RSRC1: variants seen among roughly 807,000 people sequenced by gnomAD.
The protein encoded by RSRC1 is arginine and serine rich coiled-coil 1.
In RSRC1, 39 loss-of-function variants were observed where a neutral mutation model predicts 49.1. That is an observed-to-expected ratio of 0.79 (90% confidence interval 0.61 to 1.04). The LOEUF is 1.04. Among genes scored for constraint, RSRC1 ranks in the 50% least tolerant of loss-of-function variants. The pLI is 0.00. For missense variants in RSRC1, 388 were observed against 402.4 expected, an observed-to-expected ratio of 0.96 and a Z score of 0.31; for synonymous variants, 143 against 130.8, an observed-to-expected ratio of 1.09 and a Z score of -0.63.
At chr3:158,179,254 G>A (rs1008652024) in intron 3 of RSRC1, among the ~76,000 whole-genome samples, 1 of 152,262 alleles carries the variant, frequency 6.6e-6, no homozygotes, top group South Asian at 2.1e-4. Context: ...TACACTCTTT[G>A]TCCTGTTTCC....
chr3:158,247,297 C>T (rs982715394), intron 4 of RSRC1, among the ~76,000 whole-genome samples: 2 of 152,052 alleles, frequency 1.3e-5, no homozygotes, highest in African/African-American at 2.4e-5. Context: ...AGCTTTTTTG[C>T]GTTCATTACA....
chr3:158,329,388 A>G (rs565052153), intron 5 of RSRC1, among the ~76,000 whole-genome samples: 1 of 151,780 alleles, frequency 6.6e-6, no homozygotes, highest in Non-Finnish European at 1.5e-5. Flanking sequence ...TTGGTTTTTC[A>G]TGATGGTGAC....
At chr3:158,430,197 G>A (rs1199077927) in intron 6 of RSRC1, among the ~76,000 whole-genome samples, 1 of 151,848 alleles carries the variant, frequency 6.6e-6, no homozygotes, top group Non-Finnish European at 1.5e-5. Flanking sequence ...CAGTGACAGT[G>A]GTAGTGGCTA....
At chr3:158,111,013 A>G (rs1714354324) in intron 1 of RSRC1, among the ~76,000 whole-genome samples, 1 of 152,238 alleles carries the variant, frequency 6.6e-6, no homozygotes, top group Non-Finnish European at 1.5e-5. Flanking sequence ...CAGAATTAGC[A>G]GTAACCCAAT....
chr3:158,269,709 C>T (rs896821948), intron 4 of RSRC1, among the ~76,000 whole-genome samples: 1 of 152,118 alleles, frequency 6.6e-6, no homozygotes, highest in Non-Finnish European at 1.5e-5. Context: ...GACAGGGTTT[C>T]ACCATGTTGG....
Position 158,114,325 on chromosome 3 carries a change from CT to C in RSRC1, c.-3+4103del, listed in dbSNP as rs529163152. On this transcript the variant is annotated intron_variant, in intron 1 of 9. Transcript: ENST00000611884. ...TGGTTGTAGATGTGCGGTCTTATTT[CT>C]GAGTTGTCTATTCTGTTCCATTGGT... 1.1e-3 allele frequency among the ~76,000 whole-genome samples: 173 copies of C among 152,226 alleles called. 1 individual carries two copies. Among genetic ancestry groups the C allele is most frequent in the Non-Finnish European group, 9.3e-4 (63 of 68,026 alleles).
intron 6 of RSRC1, among the ~76,000 whole-genome samples, chr3:158,386,568 A>T (rs1732977105): frequency 6.6e-6 from 1 of 151,976 alleles, no homozygotes; most frequent in Non-Finnish European, 1.5e-5. Flanking sequence ...TGACCAACAC[A>T]CTATTATTAT....
At chr3:158,425,037 G>A (rs1483553763) in intron 6 of RSRC1, among the ~76,000 whole-genome samples, 4 of 151,296 alleles carry the variant, frequency 2.6e-5, no homozygotes, top group Non-Finnish European at 5.9e-5. Flanking sequence ...CCAGCTCCTG[G>A]ATTCGTTAAT....
intron 5 of RSRC1, among the ~76,000 whole-genome samples, chr3:158,321,008 C>T (rs1728721154): frequency 6.6e-6 from 1 of 152,028 alleles, no homozygotes; most frequent in Admixed American, 6.6e-5. Flanking sequence ...CTGATAAAAA[C>T]CGGGATTCTC....
chr3:158,335,329 G>C (rs1490576776), intron 5 of RSRC1, among the ~76,000 whole-genome samples: 3 of 152,132 alleles, frequency 2.0e-5, no homozygotes, highest in Non-Finnish European at 4.4e-5. Context: ...TAGAGGGTTT[G>C]GCATGAGTGA....
intron 4 of RSRC1, among the ~76,000 whole-genome samples, chr3:158,233,202 C>T (rs2107974534): frequency 6.6e-6 from 1 of 152,252 alleles, no homozygotes; most frequent in African/African-American, 2.4e-5. Flanking sequence ...TCAGAGTAGA[C>T]TCAGATATTC....
rs765828003 is a variant in RSRC1, at chr3:158,455,979, C to CAAAAAAAAA, written c.584-4929_584-4921dup. On this transcript the variant is annotated intron_variant, in intron 6 of 9. Coordinates refer to ENST00000611884, the MANE Select transcript of RSRC1 (RefSeq NM_001271838.2). ...TGGGGGACAGAGCAAGACTCCATCT[C>CAAAAAAAAA]AAAAAAAAAAAAAAAAAAAAAAAAA... Among the ~76,000 whole-genome samples, 47 of 56,516 alleles carry CAAAAAAAAA rather than the reference C, an allele frequency of 8.3e-4. 1 individual carries two copies. The highest frequency in any genetic ancestry group is 3.7e-3 in the East Asian group (4 of 1,082). 37.1% of individuals were successfully genotyped at this position (56,516 alleles called of 152,430 possible).
chr3:158,536,797 C>T (rs529778392), intron 7 of RSRC1, among the ~76,000 whole-genome samples: 5 of 151,484 alleles, frequency 3.3e-5, no homozygotes, highest in African/African-American at 1.2e-4. Flanking sequence ...GCCCTTATTC[C>T]TTTTATATGT....
chr3:158,292,038 A>G (rs1248435401), intron 4 of RSRC1, among the ~76,000 whole-genome samples: 3 of 152,206 alleles, frequency 2.0e-5, no homozygotes, highest in Non-Finnish European at 2.9e-5. Flanking sequence ...GATACATGGC[A>G]TCTTCTCACG....
intron 4 of RSRC1, among the ~76,000 whole-genome samples, chr3:158,209,641 G>C: frequency 6.6e-6 from 1 of 152,118 alleles, no homozygotes; most frequent in East Asian, 1.9e-4. Flanking sequence ...ATTTTCAGTA[G>C]ATGGATGCTG....
intron 3 of RSRC1, among the ~76,000 whole-genome samples, chr3:158,167,545 C>G (rs1289077498): frequency 6.6e-6 from 1 of 152,112 alleles, no homozygotes; most frequent in East Asian, 1.9e-4. Flanking sequence ...AGTTGTGAGG[C>G]ACTTATTGCT....
At chr3:158,209,339 C>G (rs1373233966) in intron 4 of RSRC1, among the ~76,000 whole-genome samples, 1 of 152,050 alleles carries the variant, frequency 6.6e-6, no homozygotes, top group Non-Finnish European at 1.5e-5. Context: ...TGCCTTTCTT[C>G]TTTGGAATGA....
In RSRC1 at chr3:158,486,260, A is replaced by G. The variant is rs78989562; in HGVS notation, c.652+25257A>G. Among the ~76,000 whole-genome samples the G allele has an allele frequency of 3.3e-5, 5 of 152,304 alleles. No homozygotes were observed. The East Asian group carries it at 9.7e-4, about 29-fold the overall frequency. On this transcript the variant is annotated intron_variant, in intron 7 of 9. Coordinates refer to ENST00000611884, the MANE Select transcript of RSRC1 (RefSeq NM_001271838.2). ...ACCTGACTTCTAGTGTTGACTGAGC[A>G]GCATTGACCTCTTACAGTTAATGGT... is the stretch of plus-strand genomic sequence containing the variant.
intron 3 of RSRC1, among the ~76,000 whole-genome samples, chr3:158,152,778 C>T (rs779866109): frequency 6.6e-6 from 1 of 152,104 alleles, no homozygotes; most frequent in African/African-American, 2.4e-5. Context: ...TGTAGTTTCA[C>T]GTTTAATAAT....
Sources: gnomAD v4.1 joint callset for allele counts (sites outside exome capture counted in the v4.1 genomes callset) on GRCh38, gnomAD v4.1.1 for gene constraint, MANE v1.5 for transcripts, NCBI Gene and HGNC (gene_info 2026-07-23, HGNC 2026-07-21) for gene names.